Variants in CACNA1C observed in about 807,000 individuals in gnomAD.
The protein encoded by CACNA1C is calcium voltage-gated channel subunit alpha1 C.
Under a neutral mutation model 229.0 loss-of-function variants are expected in CACNA1C, and 30 were observed. The observed-to-expected ratio is 0.13, with a 90% CI of 0.10 to 0.18. The LOEUF (loss-of-function observed/expected upper bound fraction) is 0.18, where lower values mean the gene tolerates loss of function less well. Ranked by LOEUF, CACNA1C falls within the 10% of genes least tolerant of loss-of-function variation. The probability of loss-of-function intolerance (pLI) is 1.00; values close to 1 mark genes in which losing one functional copy is unlikely to be tolerated. For synonymous variants in CACNA1C, 1,114 were observed against 1,132.5 expected, an observed-to-expected ratio of 0.98 and a Z score of 0.33; for missense variants, 1,658 against 2,845.0, an observed-to-expected ratio of 0.58 and a Z score of 9.49.
At chr12:2,092,460 G>A (rs147008112) in intron 1 of CACNA1C, among the ~76,000 whole-genome samples, 5 of 152,292 alleles carry the variant, frequency 3.3e-5, no homozygotes, top group East Asian at 1.9e-4. Flanking sequence ...ATGGGCATCC[G>A]TATTCAAGGA....
At chr12:2,458,981 CTT>C (rs71057826) in intron 5 of CACNA1C, among the ~76,000 whole-genome samples, 251 of 105,590 alleles carry the variant, frequency 2.4e-3, no homozygotes, top group East Asian at 4.6e-3. Flanking sequence ...CTTTTTCTTT[CTT>C]TTTTTTTTTT....
rs1555881835 is a variant in CACNA1C, at chr12:2,606,661, C to A, written c.3207C>A (p.Cys1069Ter). 6.2e-7 allele frequency: 1 copy of A among 1,608,596 alleles called. No individual in the cohort carries two copies. Among genetic ancestry groups the A allele is most frequent in the Non-Finnish European group, 8.5e-7 (1 of 1,177,634 alleles). Reference sequence around the variant, plus strand: ...GTTCCAAGCAGACAGAGGCGGAATGCAAGTGAGTAGAGGTGGGAGGGCAGC... The same window carrying A: ...GTTCCAAGCAGACAGAGGCGGAATGAAAGTGAGTAGAGGTGGGAGGGCAGC... Reference protein sequence around the residue: ...SDSSKQTEAECKGNYITYKDG... With the variant: ...SDSSKQTEAE Residue 1069 changes from cysteine to a stop codon, truncating the protein, a stop_gained and splice_region_variant, in exon 25 of 47, where the codon TGC becomes TGA. Coordinates refer to ENST00000399655, the MANE Select transcript of CACNA1C (RefSeq NM_000719.7). LOFTEE classifies it high-confidence loss of function.
rs565505748 is a variant in CACNA1C, at chr12:2,462,998, C to T, written c.757+5292C>T. On this transcript the variant is annotated intron_variant, in intron 5 of 46. Coordinates refer to ENST00000399655, the MANE Select transcript of CACNA1C (RefSeq NM_000719.7). ...TGTGATCTCGGCTCACTGTAAGCTC[C>T]GCCTCCTGGGTTCACGCCATTCTCC... 4.2e-4 allele frequency among the ~76,000 whole-genome samples: 63 copies of T among 148,816 alleles called. 1 individual carries two copies. Among genetic ancestry groups the T allele is most frequent in the African/African-American group, 1.4e-3 (57 of 40,192 alleles).
intron 30 of CACNA1C, among the ~76,000 whole-genome samples, chr12:2,643,906 A>G (rs1420635465): frequency 6.6e-6 from 1 of 151,544 alleles, no homozygotes; most frequent in African/African-American, 2.4e-5. Flanking sequence ...ACACCATGAC[A>G]CCCCCCAACA....
At chr12:2,618,261 G>A (rs922827822) in intron 29 of CACNA1C, among the ~76,000 whole-genome samples, 11 of 152,198 alleles carry the variant, frequency 7.2e-5, no homozygotes, top group Admixed American at 5.9e-4. Context: ...CTGAGCAAGG[G>A]AAGAGAAACC....
intron 13 of CACNA1C, among the ~76,000 whole-genome samples, chr12:2,570,099 G>T (rs922410832): frequency 2.0e-5 from 3 of 152,176 alleles, no homozygotes; most frequent in Admixed American, 6.5e-5. Flanking sequence ...AACCTTAGAA[G>T]ACATATGGGA....
intron 3 of CACNA1C, among the ~76,000 whole-genome samples, chr12:2,130,461 A>C (rs1486637794): frequency 4.0e-5 from 3 of 74,694 alleles, no homozygotes; most frequent in Non-Finnish European, 7.7e-5. Flanking sequence ...CCCTCCCCCC[A>C]CCCCACCACA....
At chr12:2,615,595 G>A (rs1300626926) in intron 29 of CACNA1C, among the ~76,000 whole-genome samples, 1 of 48,460 alleles carries the variant, frequency 2.1e-5, no homozygotes, top group African/African-American at 3.2e-5. Flanking sequence ...AGGAGAGGGA[G>A]CCACACGTAA....
intron 3 of CACNA1C, among the ~76,000 whole-genome samples, chr12:2,185,991 G>A (rs1031634865): frequency 7.2e-5 from 11 of 152,160 alleles, no homozygotes; most frequent in East Asian, 5.8e-4. Flanking sequence ...GCCAGGGCAC[G>A]GATCGTTTCC....
rs2096711433 is a variant in CACNA1C at position 2,674,584 on chromosome 12, G to T, written c.4770G>T (p.Lys1590Asn). ...ATGAGGAGCTGCGGGCGATCATCAA[G>T]AAGATCTGGAAGCGGACCAGCATGA... The part of the protein sequence containing the change: ...QANEELRAII[K>N]KIWKRTSMKL... Residue 1590 changes from lysine (K) to asparagine (N), a missense_variant, in exon 39 of 47, where the codon AAG becomes AAT. This residue lies in a region of CACNA1C where 151 missense variants were observed against 344.4 expected (regional missense o/e 0.44). Coordinates refer to ENST00000399655, the MANE Select transcript of CACNA1C (RefSeq NM_000719.7). The T allele has an allele frequency of 1.9e-6, 3 of 1,575,548 alleles. No homozygotes were observed. Among genetic ancestry groups the T allele is most frequent in the Non-Finnish European group, 2.6e-6 (3 of 1,160,066 alleles).
At chr12:2,271,801 C>T (rs149536445) in intron 3 of CACNA1C, among the ~76,000 whole-genome samples, 6,740 of 151,870 alleles carry the variant, frequency 0.044, 182 homozygotes, top group Middle Eastern at 0.065. Flanking sequence ...GAGGCTAAGG[C>T]AGGAGGATTG....
intron 1 of CACNA1C, chr12:2,004,121 C>G: frequency 9.6e-7 from 1 of 1,039,688 alleles, no homozygotes. Context: ...CCCCAAACCC[C>G]CGAGACCCCA....
In CACNA1C at chr12:2,504,973, G is replaced by A. The variant is rs769830445; in HGVS notation, c.1217+28G>A. 2.8e-6 allele frequency: 3 copies of A among 1,080,098 alleles called. No individual in the cohort carries two copies. The highest frequency in any genetic ancestry group is 4.3e-6 in the Non-Finnish European group (3 of 703,056). 66.9% of individuals were successfully genotyped at this position (1,080,098 alleles called of 1,614,324 possible). A position where few individuals can be genotyped will look rare whatever the true frequency, so the allele number is the denominator to read the frequency against. On this transcript the variant is annotated intron_variant, in intron 8 of 46. Coordinates refer to ENST00000399655, the MANE Select transcript of CACNA1C (RefSeq NM_000719.7). The surrounding 1 kb of genome is among the most constrained non-coding windows in gnomAD (Gnocchi z 6.8). ...AAGCAGGACCAAGGAAAAAGGTCTT[G>A]ATTTTTCCATTTATTTTTATTTATT...
At chr12:2,272,472 T>G (rs1429207683) in intron 3 of CACNA1C, among the ~76,000 whole-genome samples, 1 of 152,194 alleles carries the variant, frequency 6.6e-6, no homozygotes, top group East Asian at 1.9e-4. Flanking sequence ...CTTTCTCTAC[T>G]GATGCCTTGA....
chr12:2,312,352 G>A (rs143306488), intron 3 of CACNA1C, among the ~76,000 whole-genome samples: 5 of 152,094 alleles, frequency 3.3e-5, no homozygotes, highest in African/African-American at 7.2e-5. Flanking sequence ...GTGCACATGC[G>A]AGCTGTTCTG....
Position 2,488,980 on chromosome 12 carries a change from G to A in CACNA1C, c.916+2718G>A, listed in dbSNP as rs190738093. ...GTGCAGACAAGGAGGGAAAATACGC[G>A]AGAACCCAGACATGTCTGTGCAGCC... On this transcript the variant is annotated intron_variant, in intron 6 of 46. Transcript: ENST00000399655. The surrounding 1 kb of genome is among the most constrained non-coding windows in gnomAD (Gnocchi z 4.0). 1.3e-5 allele frequency among the ~76,000 whole-genome samples: 2 copies of A among 152,326 alleles called. No homozygotes were observed. Among genetic ancestry groups the A allele is most frequent in the South Asian group, 2.1e-4 (1 of 4,824 alleles).
chr12:2,682,733 G>A (rs1603457730), intron 43 of CACNA1C, 55 bp downstream of exon 43: 1 of 1,564,704 alleles, frequency 6.4e-7, no homozygotes, highest in Non-Finnish European at 8.7e-7. Context: ...CAAATGTGGG[G>A]AGGCAGAGGC....
intron 3 of CACNA1C, among the ~76,000 whole-genome samples, chr12:2,243,918 A>C (rs1419993275): frequency 6.6e-6 from 1 of 152,244 alleles, no homozygotes; most frequent in Non-Finnish European, 1.5e-5. Flanking sequence ...AGACAACTGG[A>C]GAATGACTAG....
At chr12:2,011,789 C>T (rs553770025) in intron 1 of CACNA1C, among the ~76,000 whole-genome samples, 5 of 152,280 alleles carry the variant, frequency 3.3e-5, no homozygotes, top group East Asian at 1.9e-4. Context: ...CCCTCATGCT[C>T]GAAGGAAAGC....
Sources: gnomAD v4.1 joint callset for allele counts (sites outside exome capture counted in the v4.1 genomes callset) on GRCh38, gnomAD v4.1.1 for gene constraint, gnomAD v4.1.1 regional missense constraint, Gnocchi (gnomAD v3.1) non-coding constraint, MANE v1.5 for transcripts, NCBI Gene and HGNC (gene_info 2026-07-23, HGNC 2026-07-21) for gene names.